The following ERICH3 variants were observed in gnomAD, a reference collection of about 807,000 sequenced individuals.
ERICH3 encodes the protein glutamate-rich protein 3.
In ERICH3, 126 loss-of-function variants were observed where a neutral mutation model predicts 131.1. That is an observed-to-expected ratio of 0.96 (90% CI 0.83 to 1.11). The LOEUF is 1.11. Among genes scored for constraint, ERICH3 ranks in the 50% most tolerant of loss-of-function variants. The pLI is 0.00. For missense variants in ERICH3, 2,050 were observed against 1,810.7 expected, an observed-to-expected ratio of 1.13 and a Z score of -2.40; for synonymous variants, 695 against 644.6, an observed-to-expected ratio of 1.08 and a Z score of -1.18.
chr1:74,576,448 G>A (rs1415024586), intron 13 of ERICH3, among the ~76,000 whole-genome samples: 1 of 152,316 alleles, frequency 6.6e-6, no homozygotes, highest in East Asian at 1.9e-4. Context: ...GCACAATCAA[G>A]TGTTACCTGG....
intron 1 of ERICH3, among the ~76,000 whole-genome samples, chr1:74,666,135 G>T (rs530176763): frequency 1.3e-5 from 2 of 152,152 alleles, no homozygotes; most frequent in Admixed American, 1.3e-4. Context: ...AGGATAATGA[G>T]GATCTCTAAG....
chr1:74,604,314 A>G (rs1648283576), intron 10 of ERICH3, among the ~76,000 whole-genome samples: 1 of 151,890 alleles, frequency 6.6e-6, no homozygotes, highest in Non-Finnish European at 1.5e-5. Flanking sequence ...TTCCTCCACC[A>G]AAGGCTTGAA....
intron 11 of ERICH3, among the ~76,000 whole-genome samples, chr1:74,594,729 C>G (rs1426766722): frequency 6.6e-6 from 1 of 152,108 alleles, no homozygotes; most frequent in Non-Finnish European, 1.5e-5. Flanking sequence ...TTGCCATACT[C>G]TTATTGCAAT....
chr1:74,604,789 C>A lies in ERICH3; in HGVS notation c.1489+1812G>T, dbSNP rs951970848. On this transcript the variant is annotated intron_variant, in intron 10 of 14. Coordinates refer to ENST00000326665, the MANE Select transcript of ERICH3 (RefSeq NM_001002912.5). Reference sequence around the variant, plus strand: ...GCTGTCATCCAGGCTTTGTTTGTTTCATTTATAGAGCAGAAGCAGATAAAA... The same window carrying A: ...GCTGTCATCCAGGCTTTGTTTGTTTAATTTATAGAGCAGAAGCAGATAAAA... Among the ~76,000 whole-genome samples the A allele has an allele frequency of 2.6e-5, 4 of 152,010 alleles. No individual in the cohort carries two copies. The East Asian group carries it at 7.8e-4, about 30-fold the overall frequency.
chr1:74,635,567 C>T (rs915474402), intron 6 of ERICH3, among the ~76,000 whole-genome samples: 1 of 151,960 alleles, frequency 6.6e-6, no homozygotes, highest in Non-Finnish European at 1.5e-5. Context: ...GTACTCATGT[C>T]GCAGGTTTTT....
At chr1:74,581,459 T>C (rs1228629158) in intron 12 of ERICH3, among the ~76,000 whole-genome samples, 1 of 152,184 alleles carries the variant, frequency 6.6e-6, no homozygotes, top group Non-Finnish European at 1.5e-5. Context: ...CTGTTGGCAC[T>C]AATAATTGCA....
At chr1:74,621,236 C>G (rs898186557) in intron 7 of ERICH3, among the ~76,000 whole-genome samples, 1 of 152,006 alleles carries the variant, frequency 6.6e-6, no homozygotes, top group Admixed American at 6.6e-5. Flanking sequence ...GCAAAAATTT[C>G]AATGACACCA....
chr1:74,611,526 G>C (rs1056262541), intron 9 of ERICH3, among the ~76,000 whole-genome samples: 1 of 152,102 alleles, frequency 6.6e-6, no homozygotes, highest in South Asian at 2.1e-4. Context: ...CGCTTTAGAA[G>C]CTTCCCATCC....
intron 1 of ERICH3, among the ~76,000 whole-genome samples, chr1:74,671,804 C>A (rs1646746023): frequency 6.6e-6 from 1 of 152,162 alleles, no homozygotes; most frequent in South Asian, 2.1e-4. Context: ...TCCGGCAATA[C>A]CATTTATTCA....
chr1:74,580,422 T>A (rs696685), intron 12 of ERICH3, among the ~76,000 whole-genome samples: 8,256 of 152,294 alleles, frequency 0.054, 274 homozygotes, highest in South Asian at 0.13. Flanking sequence ...CACATATTTC[T>A]GACTATTCCC....
chr1:74,573,958 A>T (rs1471735524), intron 13 of ERICH3, among the ~76,000 whole-genome samples: 6 of 151,344 alleles, frequency 4.0e-5, no homozygotes, highest in African/African-American at 1.5e-4. Context: ...TTTAATCTTC[A>T]TATAAATTAT....
chr1:74,628,057 G>A (rs911849948), intron 7 of ERICH3, among the ~76,000 whole-genome samples: 1 of 152,126 alleles, frequency 6.6e-6, no homozygotes, highest in Non-Finnish European at 1.5e-5. Flanking sequence ...CTGTACTGCT[G>A]TAATAATTTC....
chr1:74,649,925 A>C (rs1177002027), intron 1 of ERICH3, among the ~76,000 whole-genome samples: 1 of 151,818 alleles, frequency 6.6e-6, no homozygotes, highest in African/African-American at 2.4e-5. Flanking sequence ...CTCCTACCCC[A>C]TAAGACCCTG....
intron 8 of ERICH3, among the ~76,000 whole-genome samples, chr1:74,616,071 G>A (rs183056497): frequency 3.9e-5 from 6 of 152,076 alleles, no homozygotes; most frequent in Non-Finnish European, 5.9e-5. Context: ...ATGCAATCTC[G>A]GCTCACTGCA....
intron 13 of ERICH3, among the ~76,000 whole-genome samples, chr1:74,574,857 G>A (rs1045895485): frequency 6.6e-6 from 1 of 152,016 alleles, no homozygotes; most frequent in Non-Finnish European, 1.5e-5. Flanking sequence ...CAGAATAGAG[G>A]TTAGGGAGCT....
intron 11 of ERICH3, among the ~76,000 whole-genome samples, chr1:74,596,497 C>T (rs1295725152): frequency 6.6e-6 from 1 of 152,032 alleles, no homozygotes; most frequent in African/African-American, 2.4e-5. Flanking sequence ...AAAATCTTCT[C>T]TTCTAGCTAT....
At position 74,614,367 on chromosome 1, in the gene ERICH3, TAAA is replaced by T. The variant is rs58516429; in HGVS notation, c.1001-1561_1001-1559del. 4.1e-4 allele frequency among the ~76,000 whole-genome samples: 47 copies of T among 114,936 alleles called. 2 individuals are homozygous for T. The highest frequency in any genetic ancestry group is 2.3e-3 in the South Asian group (8 of 3,454). 75.4% of individuals were successfully genotyped at this position (114,936 alleles called of 152,430 possible). On this transcript the variant is annotated intron_variant, in intron 8 of 14. Coordinates refer to ENST00000326665, the MANE Select transcript of ERICH3 (RefSeq NM_001002912.5). Reference sequence around the variant, plus strand: ...CACTGTGTGTACCACATTTTTTCCCTAAAAAAAAAAAAAAAAAAAAAACTCGGC... The same window carrying T: ...CACTGTGTGTACCACATTTTTTCCCTAAAAAAAAAAAAAAAAAAACTCGGC...
At chr1:74,576,091 C>A (rs1467792310) in intron 13 of ERICH3, among the ~76,000 whole-genome samples, 1 of 152,164 alleles carries the variant, frequency 6.6e-6, no homozygotes, top group Non-Finnish European at 1.5e-5. Flanking sequence ...ATTGTATAAA[C>A]TGGGAAATAA....
In ERICH3 at chr1:74,663,227, A is replaced by G. The variant is rs1646659111; in HGVS notation, c.23+10270T>C. Among the ~76,000 whole-genome samples the G allele has an allele frequency of 2.0e-5, 3 of 152,152 alleles. No individual in the cohort carries two copies. The South Asian group carries it at 6.2e-4, about 32-fold the overall frequency. On this transcript the variant is annotated intron_variant, in intron 1 of 14. Transcript: ENST00000326665. ...TATACTATGTGTCAGGCCCTGTGCT[A>G]CATGTACTACAGCATCTAATTTAAC...
Sources: gnomAD v4.1 joint callset for allele counts (sites outside exome capture counted in the v4.1 genomes callset) on GRCh38, gnomAD v4.1.1 for gene constraint, MANE v1.5 for transcripts, NCBI Gene and HGNC (gene_info 2026-07-23, HGNC 2026-07-21) for gene names.